Variants in ZNF688 observed in about 807,000 individuals in gnomAD.
The protein encoded by ZNF688 is zinc finger protein 688.
In ZNF688, 10 loss-of-function variants were observed where a neutral mutation model predicts 13.2. That is an observed-to-expected ratio of 0.76 (90% CI 0.47 to 1.28). The LOEUF is 1.28. Ranked by LOEUF, ZNF688 falls within the 50% of genes most tolerant of loss-of-function variation. ZNF688 has a pLI of 0.00. For synonymous variants in ZNF688, 160 were observed against 159.4 expected, an observed-to-expected ratio of 1.00 and a Z score of -0.03; for missense variants, 381 against 391.4, an observed-to-expected ratio of 0.97 and a Z score of 0.22.
the ZNF688 span, chr16:30,579,528 C>T: frequency 2.2e-5 from 6 of 272,180 alleles, no homozygotes; most frequent in South Asian, 2.2e-4. Context: ...GCTGGGACTA[C>T]AGGCATGTGC....
chr16:30,570,471 C>G (rs1446032534), intron 2 of ZNF688, 35 bp from the exon 3 acceptor site: 1 of 1,586,382 alleles, frequency 6.3e-7, no homozygotes, highest in South Asian at 1.1e-5. Context: ...CTTACAAACA[C>G]TTTTGCACAG....
chr16:30,570,826 C>T lies in ZNF688; in HGVS notation c.310+184G>A, dbSNP rs549060120. 1.3e-4 allele frequency: 85 copies of T among 670,558 alleles called. No homozygotes were observed. The East Asian group carries it at 2.1e-3, about 16-fold the overall frequency. 41.5% of individuals were successfully genotyped at this position (670,558 alleles called of 1,614,324 possible). ...GGAGTGCCTGGTTGGACTGGGCTCCCAGTCCTCACAGGACCGCTGTCCCAT... is the reference window on the plus strand; with the variant it reads ...GGAGTGCCTGGTTGGACTGGGCTCCTAGTCCTCACAGGACCGCTGTCCCAT... On this transcript the variant is annotated intron_variant, in intron 2 of 2. Transcript: ENST00000223459.
At chr16:30,577,189 C>G (rs2051754919), upstream of ZNF688, among the ~76,000 whole-genome samples, 1 of 152,136 alleles carries the variant, frequency 6.6e-6, no homozygotes, top group South Asian at 2.1e-4. Context: ...ACTTCCACCT[C>G]CTGAGTAGCT....
chr16:30,570,355 C>T lies in ZNF688; in HGVS notation c.392G>A (p.Ser131Asn), dbSNP rs33997546. 11 of 1,613,968 alleles carry T rather than the reference C, an allele frequency of 6.8e-6. No individual in the cohort carries two copies. Among genetic ancestry groups the T allele is most frequent in the Admixed American group, 1.7e-5 (1 of 60,008 alleles). The stretch of plus-strand genomic sequence containing the variant: ...GTTGCGTTCCACCAGCACTTCAGGA[C>T]TCTCCTTCACAGGAGCCTTTCTAGG... Reference protein sequence around the residue: ...KGPRKAPVKESPEVLVERNPD... With the variant: ...KGPRKAPVKENPEVLVERNPD... Residue 131 changes from serine (S) to asparagine (N), a missense_variant, in exon 3 of 3, where the codon AGT becomes AAT. By Grantham distance (46) the Ser-to-Asn change is conservative. Coordinates refer to ENST00000223459, the MANE Select transcript of ZNF688 (RefSeq NM_145271.4).
chr16:30,570,718 G>A (rs2051661497), intron 2 of ZNF688: 1 of 335,046 alleles, frequency 3.0e-6, no homozygotes, highest in African/African-American at 2.7e-5. Flanking sequence ...AGGAAGCAGG[G>A]GCTATTATTT....
At chr16:30,579,789 A>C in the ZNF688 span, 1 of 456,064 alleles carries the variant, frequency 2.2e-6, no homozygotes, top group African/African-American at 2.0e-5. Context: ...GCTTAGTCCC[A>C]CCTACCTCTT....
chr16:30,571,329 G>C, intron 1 of ZNF688, 105 bp downstream of exon 1: 1 of 1,535,248 alleles, frequency 6.5e-7, no homozygotes, highest in South Asian at 1.2e-5. Flanking sequence ...TGCTGGTGTT[G>C]GTGCAAGAGT....
intron 1 of ZNF688, 39 bp downstream of exon 1, chr16:30,571,395 C>T (rs566279427): frequency 6.5e-7 from 1 of 1,545,016 alleles, no homozygotes; most frequent in Non-Finnish European, 8.7e-7. Flanking sequence ...CCCTGTGAAC[C>T]CGGTGAAGGA....
At chr16:30,577,852 T>C in the ZNF688 span, among the ~76,000 whole-genome samples, 2 of 151,634 alleles carry the variant, frequency 1.3e-5, no homozygotes, top group Non-Finnish European at 1.5e-5. Context: ...GTATTTTTAG[T>C]AGAGATGGGG....
chr16:30,569,736 G>A lies in ZNF688; in HGVS notation c.*180C>T. On this transcript the variant is annotated 3_prime_UTR_variant, in exon 3 of 3. Transcript: ENST00000223459. ...AAAAGACTGGGGAGATGGGTGGCAA[G>A]TCTAATCTATTCGAATCTTTACAGG... 1 of 274,644 alleles carries A rather than the reference G, an allele frequency of 3.6e-6. No individual in the cohort carries two copies. The highest frequency in any genetic ancestry group is 1.5e-3 in the Middle Eastern group (1 of 688). The allele number at this position is 274,644 out of a possible 1,614,324, so 17.0% of individuals were successfully genotyped here.
Position 30,571,649 on chromosome 16 carries a change from C to G in ZNF688, c.-20G>C. The G allele has an allele frequency of 7.2e-7, 1 of 1,380,876 alleles. No individual in the cohort carries two copies. The highest frequency in any genetic ancestry group is 1.7e-5 in the South Asian group (1 of 58,296). 85.5% of individuals were successfully genotyped at this position (1,380,876 alleles called of 1,614,324 possible). A position where few individuals can be genotyped will look rare whatever the true frequency, so the allele number is the denominator to read the frequency against. On this transcript the variant is annotated 5_prime_UTR_variant, in exon 1 of 3. Coordinates refer to ENST00000223459, the MANE Select transcript of ZNF688 (RefSeq NM_145271.4). ...CGCCATGGGGCCTCGCAGCCCCGAT[C>G]GGCGGCCGCCAGGTCCCTGGAGCCG...
chr16:30,572,220 C>T (rs2051698320), upstream of ZNF688: 1 of 1,602,672 alleles, frequency 6.2e-7, no homozygotes, highest in South Asian at 1.1e-5. Context: ...TTTGAAGGGA[C>T]CCCGCGGTCC....
Position 30,571,598 on chromosome 16 carries a change from G to C in ZNF688, c.32C>G (p.Pro11Arg), listed in dbSNP as rs751430804. Residue 11 changes from proline (P) to arginine (R), a missense_variant, in exon 1 of 3, where the codon CCG (proline) becomes CGG (arginine). By Grantham distance (103) the Pro-to-Arg change is moderately radical. Transcript: ENST00000223459. ...ACCAGGCCGGGTCTCCCCGGGCCTC[G>C]GCGCCAGGAGCGGGGCTGGGGGCGG... MAPPPAPLLA[P>R]RPGETRPGCR... The C allele has an allele frequency of 6.5e-7, 1 of 1,527,486 alleles. No individual in the cohort carries two copies. Among genetic ancestry groups the C allele is most frequent in the Non-Finnish European group, 8.8e-7 (1 of 1,138,344 alleles). 94.6% of individuals were successfully genotyped at this position (1,527,486 alleles called of 1,614,324 possible).
intron 1 of ZNF688, 115 bp from the exon 2 acceptor site, chr16:30,571,238 C>T: frequency 7.8e-6 from 12 of 1,537,552 alleles, no homozygotes; most frequent in Non-Finnish European, 1.0e-5. Flanking sequence ...GAAGGGGCTG[C>T]AGTGCTGCTG....
chr16:30,575,268 C>T (rs1046237452), upstream of ZNF688, among the ~76,000 whole-genome samples: 12 of 140,388 alleles, frequency 8.5e-5, no homozygotes, highest in East Asian at 2.0e-4. Flanking sequence ...TTTTTTGAGA[C>T]GGAGTTTTGC....
chr16:30,571,106 GT>G lies in ZNF688; in HGVS notation c.213del (p.Lys71AsnfsTer58). 2.5e-6 allele frequency: 4 copies of G among 1,582,416 alleles called. No homozygotes were observed. The highest frequency in any genetic ancestry group is 3.4e-6 in the Non-Finnish European group (4 of 1,164,660). On this transcript the variant is annotated frameshift_variant, in exon 2 of 3. Coordinates refer to ENST00000223459, the MANE Select transcript of ZNF688 (RefSeq NM_145271.4). LOFTEE classifies it high-confidence loss of function. The part of the protein sequence containing the change: ...HLGALGFPGP[K>X]PALISWMEQE... The stretch of plus-strand genomic sequence containing the variant: ...TGTTCCATCCAAGAGATGAGGGCTG[GT>G]TTGGGGCCTGGGAATCCTGGGAGAG...
In ZNF688 at chr16:30,569,788, T is replaced by C; in HGVS notation, c.*128A>G. The C allele has an allele frequency of 2.5e-6, 3 of 1,210,308 alleles. No individual in the cohort carries two copies. The highest frequency in any genetic ancestry group is 3.3e-6 in the Non-Finnish European group (3 of 918,496). The allele number at this position is 1,210,308 out of a possible 1,614,324, so 75.0% of individuals were successfully genotyped here. ...ACTTTTCTTTTTACAAGTTGGAAAC[T>C]TGAGGGATCCTTGAGGAAAGCCCAG... On this transcript the variant is annotated 3_prime_UTR_variant, in exon 3 of 3. Transcript: ENST00000223459.
chr16:30,571,541 T>C lies in ZNF688; in HGVS notation c.89A>G (p.Asp30Gly). The change falls in exon 1 of 3, where the codon GAC (aspartate) becomes GGC (glycine). Residue 30 changes from aspartate to glycine, a missense_variant. Asp to Gly is a moderately conservative substitution (Grantham distance 94). Transcript: ENST00000223459. ...CTCCGGGGAGAAGTACACGGCCACGTCCGCGAAGCTCACAGTCCCGGGCTT... is the reference window on the plus strand; with the variant it reads ...CTCCGGGGAGAAGTACACGGCCACGCCCGCGAAGCTCACAGTCCCGGGCTT... Reference protein sequence around the residue: ...CRKPGTVSFADVAVYFSPEEW... With the variant: ...CRKPGTVSFAGVAVYFSPEEW... 6.3e-7 allele frequency: 1 copy of C among 1,584,618 alleles called. No individual in the cohort carries two copies.
Position 30,571,649 on chromosome 16 carries a change from C to T in ZNF688, c.-20G>A, listed in dbSNP as rs2051687795. 1.4e-6 allele frequency: 2 copies of T among 1,380,760 alleles called. No homozygotes were observed. The highest frequency in any genetic ancestry group is 1.5e-5 in the African/African-American group (1 of 65,020). 85.5% of individuals were successfully genotyped at this position (1,380,760 alleles called of 1,614,324 possible). On this transcript the variant is annotated 5_prime_UTR_variant, in exon 1 of 3. Coordinates refer to ENST00000223459, the MANE Select transcript of ZNF688 (RefSeq NM_145271.4). ...CGCCATGGGGCCTCGCAGCCCCGATCGGCGGCCGCCAGGTCCCTGGAGCCG... is the reference window on the plus strand; with the variant it reads ...CGCCATGGGGCCTCGCAGCCCCGATTGGCGGCCGCCAGGTCCCTGGAGCCG...
Sources: gnomAD v4.1 joint callset for allele counts (sites outside exome capture counted in the v4.1 genomes callset) on GRCh38, gnomAD v4.1.1 for gene constraint, MANE v1.5 for transcripts, NCBI Gene and HGNC (gene_info 2026-07-23, HGNC 2026-07-21) for gene names.